Variants in AFF3 observed in about 807,000 individuals in gnomAD.
AFF3 encodes AF4/FMR2 family member 3.
Under a neutral mutation model 129.7 loss-of-function variants are expected in AFF3, and 32 were observed. The ratio of observed to expected loss-of-function variants is 0.25; its 90% CI spans 0.19 to 0.33. The LOEUF is 0.33. Ranked by LOEUF, AFF3 falls within the 10% of genes least tolerant of loss-of-function variation. The pLI, the probability that AFF3 is intolerant of heterozygous loss-of-function variation, is 1.00. For missense variants in AFF3, 1,373 were observed against 1,592.0 expected (o/e 0.86, Z 2.34); for synonymous variants, 644 against 635.4 (o/e 1.01, Z -0.20).
At chr2:99,560,536 C>CTGT in intron 20 of AFF3, 100 bp from the exon 21 acceptor site, 3 of 1,099,152 alleles carry the variant, frequency 2.7e-6, no homozygotes, top group African/African-American at 1.6e-5. Flanking sequence ...GATGGTAGTT[C>CTGT]TCCCTGCCTG....
chr2:100,088,027 T>C (rs1012607518), intron 4 of AFF3, among the ~76,000 whole-genome samples: 10 of 150,956 alleles, frequency 6.6e-5, no homozygotes, highest in African/African-American at 2.4e-4. Context: ...TTCCTTAACC[T>C]GATAAAGGGC....
chr2:100,067,452 T>C (rs1398125099), intron 4 of AFF3, among the ~76,000 whole-genome samples: 1 of 152,206 alleles, frequency 6.6e-6, no homozygotes, highest in Non-Finnish European at 1.5e-5. Context: ...GAATCCTTTC[T>C]GAGTGATCAG....
intron 1 of AFF3, among the ~76,000 whole-genome samples, chr2:100,131,585 G>A (rs1018674839): frequency 6.6e-6 from 1 of 151,862 alleles, no homozygotes; most frequent in African/African-American, 2.4e-5. Flanking sequence ...TCAGCCTCCC[G>A]AGGAGCTGGG....
chr2:100,115,149 A>G (rs1447392986), intron 2 of AFF3, among the ~76,000 whole-genome samples: 1 of 152,246 alleles, frequency 6.6e-6, no homozygotes, highest in Non-Finnish European at 1.5e-5. Flanking sequence ...TTGTAATCAC[A>G]GAGCAGACTC....
At chr2:99,835,562 AACT>A (rs3072342) in intron 8 of AFF3, among the ~76,000 whole-genome samples, 95,182 of 151,456 alleles carry the variant, frequency 0.63, 30,934 homozygotes, top group South Asian at 0.79. Flanking sequence ...CCCAAATACC[AACT>A]ACTACTACTA....
intron 13 of AFF3, among the ~76,000 whole-genome samples, chr2:99,639,117 A>T (rs1180216889): frequency 6.6e-6 from 1 of 152,138 alleles, no homozygotes; most frequent in Non-Finnish European, 1.5e-5. Flanking sequence ...GGCTTTATAC[A>T]ACTCGTTATT....
At chr2:99,962,786 T>G (rs1677356510) in intron 7 of AFF3, among the ~76,000 whole-genome samples, 1 of 150,534 alleles carries the variant, frequency 6.6e-6, no homozygotes, top group African/African-American at 2.4e-5. Flanking sequence ...CACTGATATT[T>G]AACTTCTTTT....
At chr2:99,569,042 T>C in intron 18 of AFF3, 127 bp from the exon 19 acceptor site, 1 of 880,790 alleles carries the variant, frequency 1.1e-6, no homozygotes, top group Non-Finnish European at 1.8e-6. Context: ...ATTAAGTGTG[T>C]TTTTTGCCTT....
At chr2:99,880,662 G>A (rs1692642344) in intron 7 of AFF3, among the ~76,000 whole-genome samples, 1 of 152,106 alleles carries the variant, frequency 6.6e-6, no homozygotes, top group African/African-American at 2.4e-5. Context: ...AAAAAATCTA[G>A]CCCACTGAGT....
intron 8 of AFF3, among the ~76,000 whole-genome samples, chr2:99,760,318 T>A (rs1490235066): frequency 6.6e-6 from 1 of 152,184 alleles, no homozygotes; most frequent in Non-Finnish European, 1.5e-5. Context: ...TTTAAAGAGA[T>A]TATTATTATT....
At chr2:99,919,398 A>C (rs116030164) in intron 7 of AFF3, among the ~76,000 whole-genome samples, 279 of 152,204 alleles carry the variant, frequency 1.8e-3, no homozygotes, top group African/African-American at 6.4e-3. Flanking sequence ...CAGTTCTAGA[A>C]TGGGTTGTCG....
intron 4 of AFF3, among the ~76,000 whole-genome samples, chr2:100,063,355 C>T (rs184107563): frequency 2.5e-4 from 38 of 150,688 alleles, no homozygotes; most frequent in African/African-American, 9.3e-4. Context: ...TTAATATTAA[C>T]TGAACTGCGT....
intron 10 of AFF3, among the ~76,000 whole-genome samples, chr2:99,743,063 C>T (rs990696497): frequency 2.6e-5 from 4 of 152,212 alleles, no homozygotes; most frequent in African/African-American, 9.6e-5. Context: ...TTCTTCTGAT[C>T]TCTTTTCTTA....
At chr2:100,114,887 A>G (rs1054946887) in intron 2 of AFF3, among the ~76,000 whole-genome samples, 1 of 152,254 alleles carries the variant, frequency 6.6e-6, no homozygotes, top group Non-Finnish European at 1.5e-5. Context: ...TAATATACAC[A>G]CAGGAAGACA....
intron 7 of AFF3, among the ~76,000 whole-genome samples, chr2:99,930,090 G>C (rs1053119241): frequency 6.6e-6 from 1 of 152,130 alleles, no homozygotes; most frequent in African/African-American, 2.4e-5. Context: ...TCTGGGCTAA[G>C]AGAGTGTTTA....
chr2:99,900,586 T>C (rs553867281), intron 7 of AFF3, among the ~76,000 whole-genome samples: 7 of 152,222 alleles, frequency 4.6e-5, no homozygotes, highest in African/African-American at 1.4e-4. Flanking sequence ...CCACTCAGCA[T>C]TTGGTGAGGC....
chr2:99,654,287 G>A (rs569734594), intron 12 of AFF3, among the ~76,000 whole-genome samples: 1 of 152,082 alleles, frequency 6.6e-6, no homozygotes, highest in Non-Finnish European at 1.5e-5. Flanking sequence ...GAAAGAAGAG[G>A]AGTATATGTC....
At chr2:99,658,216 T>C (rs964707488) in intron 12 of AFF3, among the ~76,000 whole-genome samples, 14 of 152,164 alleles carry the variant, frequency 9.2e-5, no homozygotes, top group Non-Finnish European at 1.2e-4. Context: ...AGAAGATACA[T>C]GGCACCCTGC....
intron 12 of AFF3, among the ~76,000 whole-genome samples, chr2:99,669,905 A>G (rs2030691): frequency 0.84 from 128,044 of 152,108 alleles, 53,955 homozygotes; most frequent in East Asian, 0.92. Flanking sequence ...AGCCAAGGTC[A>G]TGCCACTGCA....
Sources: gnomAD v4.1 joint callset for allele counts (sites outside exome capture counted in the v4.1 genomes callset) on GRCh38, gnomAD v4.1.1 for gene constraint, MANE v1.5 for transcripts, NCBI Gene and HGNC (gene_info 2026-07-23, HGNC 2026-07-21) for gene names.